The following KDSR variants were observed in gnomAD, a reference collection of about 807,000 sequenced individuals.
KDSR encodes the protein 3-ketodihydrosphingosine reductase.
A neutral mutation model predicts 41.3 loss-of-function variants in KDSR; 23 were observed. The observed-to-expected ratio is 0.56, with a 90% CI of 0.40 to 0.79. KDSR has a LOEUF of 0.79. Ranked by LOEUF, KDSR falls within the 30% of genes least tolerant of loss-of-function variation. KDSR has a pLI of 0.00. For synonymous variants in KDSR, 138 were observed against 151.7 expected, an observed-to-expected ratio of 0.91 and a Z score of 0.66; for missense variants, 351 against 416.8, an observed-to-expected ratio of 0.84 and a Z score of 1.37.
At chr18:63,365,442 G>A (rs1347447789) in intron 1 of KDSR, among the ~76,000 whole-genome samples, 2 of 152,216 alleles carry the variant, frequency 1.3e-5, no homozygotes, top group African/African-American at 2.4e-5. Context: ...GACAGATGGT[G>A]ACACCATGTG....
intron 8 of KDSR, among the ~76,000 whole-genome samples, chr18:63,338,126 T>C (rs1274631963): frequency 1.3e-5 from 2 of 152,258 alleles, no homozygotes; most frequent in East Asian, 3.8e-4. Context: ...TTCAGTCTAA[T>C]GTGACAGCAT....
chr18:63,354,270 G>A (rs1027279361), intron 5 of KDSR, among the ~76,000 whole-genome samples: 2 of 152,058 alleles, frequency 1.3e-5, no homozygotes, highest in African/African-American at 4.8e-5. Flanking sequence ...AGCCGAGATC[G>A]TGCCACTGTA....
intron 1 of KDSR, chr18:63,366,000 C>T (rs973112395): frequency 1.3e-5 from 2 of 152,244 alleles, no homozygotes. Flanking sequence ...AGGCTCGGAT[C>T]TCCGGTGCAG....
At chr18:63,364,478 C>G (rs541543659) in intron 1 of KDSR, among the ~76,000 whole-genome samples, 8 of 151,100 alleles carry the variant, frequency 5.3e-5, no homozygotes, top group African/African-American at 1.9e-4. Context: ...CAGTCTTGCT[C>G]AGTCACCCAG....
intron 9 of KDSR, among the ~76,000 whole-genome samples, chr18:63,332,107 A>G (rs1324537487): frequency 6.6e-6 from 1 of 152,230 alleles, no homozygotes; most frequent in Non-Finnish European, 1.5e-5. Flanking sequence ...ATAACAAAAT[A>G]TTTGTCCAAT....
At chr18:63,345,129 GA>G (rs1914460978) in intron 6 of KDSR, 1 of 152,354 alleles carries the variant, frequency 6.6e-6, no homozygotes, top group Non-Finnish European at 1.5e-5. Context: ...GAACCAACAA[GA>G]ACCACTGGGT....
In KDSR at chr18:63,328,002, A is replaced by G. The variant is rs1337026772; in HGVS notation, c.*3780T>C. ...TAATCCGAAGAGCAAGATTTAGTCC[A>G]GAATATGGAAGGTTCTGGTTGGCAG... On this transcript the variant is annotated 3_prime_UTR_variant, in exon 10 of 10. Transcript: ENST00000645214. The G allele has an allele frequency of 5.0e-6, 1 of 201,784 alleles. No individual in the cohort carries two copies. Among genetic ancestry groups the G allele is most frequent in the African/African-American group, 2.3e-5 (1 of 43,514 alleles). 12.5% of individuals were successfully genotyped at this position (201,784 alleles called of 1,614,324 possible).
chr18:63,357,861 GCCA>G (rs1914846107), intron 3 of KDSR, among the ~76,000 whole-genome samples: 1 of 151,982 alleles, frequency 6.6e-6, no homozygotes, highest in African/African-American at 2.4e-5. Context: ...ACAGGCATGA[GCCA>G]CCGCACCTGG....
At chr18:63,345,042 A>G (rs1328823006) in intron 6 of KDSR, 4 of 152,442 alleles carry the variant, frequency 2.6e-5, no homozygotes, top group African/African-American at 7.2e-5. Context: ...TGTCCCTGAG[A>G]AGTCTGCTTA....
rs1913975400 is a variant in KDSR at position 63,331,239 on chromosome 18, A to C, written c.*543T>G. On this transcript the variant is annotated 3_prime_UTR_variant, in exon 10 of 10. Coordinates refer to ENST00000645214, the MANE Select transcript of KDSR (RefSeq NM_002035.4). ...GACTCACTGGCAATGGGTCCAACTCATCTTGAATAAAATACACAAAGAAAG... is the reference window on the plus strand; with the variant it reads ...GACTCACTGGCAATGGGTCCAACTCCTCTTGAATAAAATACACAAAGAAAG... The C allele has an allele frequency of 4.3e-6, 1 of 232,784 alleles. No homozygotes were observed. The highest frequency in any genetic ancestry group is 8.5e-6 in the Non-Finnish European group (1 of 118,036). 14.4% of individuals were successfully genotyped at this position (232,784 alleles called of 1,614,324 possible).
At chr18:63,334,705 G>A (rs1239842893) in intron 9 of KDSR, among the ~76,000 whole-genome samples, 1 of 152,176 alleles carries the variant, frequency 6.6e-6, no homozygotes, top group African/African-American at 2.4e-5. Flanking sequence ...TGAAGCTGGA[G>A]AGGTCGCCTT....
At chr18:63,338,953 C>T in intron 7 of KDSR, 70 bp from the exon 8 acceptor site, 1 of 871,958 alleles carries the variant, frequency 1.1e-6, no homozygotes, top group Non-Finnish European at 1.8e-6. Context: ...ATTATTCTTA[C>T]AGCCTCCTGA....
intron 2 of KDSR, among the ~76,000 whole-genome samples, chr18:63,361,135 C>T (rs1198833905): frequency 9.6e-6 from 1 of 104,158 alleles, no homozygotes; most frequent in African/African-American, 4.1e-5. Flanking sequence ...CCAGGTATTC[C>T]GGAGGTGGAG....
intron 6 of KDSR, among the ~76,000 whole-genome samples, chr18:63,348,534 G>A (rs1306112476): frequency 6.6e-6 from 1 of 151,982 alleles, no homozygotes; most frequent in African/African-American, 2.4e-5. Flanking sequence ...TATTTTTCAT[G>A]GGATAAGTTC....
At chr18:63,364,196 T>A (rs942736897) in intron 1 of KDSR, among the ~76,000 whole-genome samples, 2 of 152,060 alleles carry the variant, frequency 1.3e-5, no homozygotes, top group African/African-American at 4.8e-5. Context: ...GCCTTCACTG[T>A]CTCCCCTGCC....
At chr18:63,348,000 C>T (rs2144362650) in intron 6 of KDSR, among the ~76,000 whole-genome samples, 1 of 152,166 alleles carries the variant, frequency 6.6e-6, no homozygotes, top group South Asian at 2.1e-4. Context: ...AAAATATTTA[C>T]AGGCCAGACA....
At chr18:63,338,929 T>C in intron 7 of KDSR, 46 bp from the exon 8 acceptor site, 1 of 1,094,600 alleles carries the variant, frequency 9.1e-7, no homozygotes, top group South Asian at 1.5e-5. Flanking sequence ...GATTGCCCAT[T>C]ACATTAAAAA....
Position 63,327,818 on chromosome 18 carries a change from A to C in KDSR, c.*3964T>G. 1 of 192,534 alleles carries C rather than the reference A, an allele frequency of 5.2e-6. No homozygotes were observed. Among genetic ancestry groups the C allele is most frequent in the Non-Finnish European group, 1.1e-5 (1 of 92,150 alleles). 11.9% of individuals were successfully genotyped at this position (192,534 alleles called of 1,614,324 possible). On this transcript the variant is annotated 3_prime_UTR_variant, in exon 10 of 10. Transcript: ENST00000645214. ...AATTAGATTACAATTCTGCCACAAA[A>C]GCTTCTAAAGTAGCAAACACAACTT... is the stretch of plus-strand genomic sequence containing the variant.
chr18:63,355,339 A>G lies in KDSR; in HGVS notation c.322-40T>C, dbSNP rs74478329. On this transcript the variant is annotated intron_variant, in intron 4 of 9. Transcript: ENST00000645214. The stretch of plus-strand genomic sequence containing the variant: ...CAGAGCAGGCATTAAGAAACAGAGA[A>G]GAAAAACCACTCAGCAGCAAATCCA... The G allele has an allele frequency of 9.9e-4, 1,597 of 1,606,742 alleles. 11 individuals are homozygous for G. The African/African-American group carries it at 0.019, about 19-fold the overall frequency.
Sources: gnomAD v4.1 joint callset for allele counts (sites outside exome capture counted in the v4.1 genomes callset) on GRCh38, gnomAD v4.1.1 for gene constraint, MANE v1.5 for transcripts, NCBI Gene and HGNC (gene_info 2026-07-23, HGNC 2026-07-21) for gene names.